CNOT1: variants seen among roughly 807,000 people sequenced by gnomAD.
CNOT1 encodes CCR4-NOT transcription complex subunit 1.
A neutral mutation model predicts 273.8 loss-of-function variants in CNOT1; 15 were observed. The ratio of observed to expected loss-of-function variants is 0.05; its 90% confidence interval spans 0.04 to 0.08. The LOEUF (loss-of-function observed/expected upper bound fraction) is 0.08, where lower values mean the gene tolerates loss of function less well. Among genes scored for constraint, CNOT1 ranks in the 10% least tolerant of loss-of-function variants. The probability of loss-of-function intolerance (pLI) is 1.00; values close to 1 mark genes in which losing one functional copy is unlikely to be tolerated. For synonymous variants in CNOT1, 1,022 were observed against 1,005.5 expected (o/e 1.02, Z -0.31); for missense variants, 1,644 against 2,912.2 (o/e 0.56, Z 10.02).
chr16:58,582,219 G>C (rs2041682250), intron 10 of CNOT1, among the ~76,000 whole-genome samples: 1 of 152,028 alleles, frequency 6.6e-6, no homozygotes, highest in African/African-American at 2.4e-5. Context: ...TTGAACCCAG[G>C]AGCCAGAGGG....
chr16:58,612,119 C>T (rs12598497), intron 1 of CNOT1, among the ~76,000 whole-genome samples: 34,598 of 151,908 alleles, frequency 0.23, 4,334 homozygotes, highest in African/African-American at 0.33. Context: ...CAAGAATGTG[C>T]CACATGCCAG....
At chr16:58,626,696 G>A (rs570964302) in intron 1 of CNOT1, among the ~76,000 whole-genome samples, 21 of 151,642 alleles carry the variant, frequency 1.4e-4, no homozygotes, top group African/African-American at 4.1e-4. Flanking sequence ...GGAGGCGGAG[G>A]TTGTAGTGAG....
intron 17 of CNOT1, among the ~76,000 whole-genome samples, 156 bp from the exon 18 acceptor site, chr16:58,558,830 G>T (rs1357518802): frequency 6.6e-6 from 1 of 152,198 alleles, no homozygotes; most frequent in Non-Finnish European, 1.5e-5. Context: ...ATCAAGTCAA[G>T]TGTGTCAGTC....
intron 3 of CNOT1, among the ~76,000 whole-genome samples, chr16:58,588,579 G>A (rs937991671): frequency 2.0e-5 from 3 of 152,068 alleles, no homozygotes; most frequent in Admixed American, 6.6e-5. Context: ...AGGCAGGTCT[G>A]ATCCCTACCT....
chr16:58,616,733 T>A (rs1156311913), intron 1 of CNOT1, among the ~76,000 whole-genome samples: 1 of 152,168 alleles, frequency 6.6e-6, no homozygotes, highest in Non-Finnish European at 1.5e-5. Flanking sequence ...TTTGGCAGCA[T>A]TTTTTTCAAT....
chr16:58,584,471 T>C (rs112306011), intron 8 of CNOT1, among the ~76,000 whole-genome samples: 34,703 of 151,748 alleles, frequency 0.23, 4,331 homozygotes, highest in African/African-American at 0.33. Context: ...GCTGGGATTA[T>C]AGGCACGTGC....
At chr16:58,620,574 G>C (rs773731326) in intron 1 of CNOT1, among the ~76,000 whole-genome samples, 2 of 150,380 alleles carry the variant, frequency 1.3e-5, no homozygotes, top group Non-Finnish European at 2.9e-5. Context: ...AACCCGGAAG[G>C]AGGTGGTTGT....
At position 58,542,298 on chromosome 16, in the gene CNOT1, C is replaced by T. The variant is rs1392510408; in HGVS notation, c.4613G>A (p.Arg1538His). The change falls in exon 33 of 49, where the codon CGC becomes CAC. Residue 1538 changes from arginine to histidine, a missense_variant. Around this residue, in one of 13 missense-constraint regions of CNOT1, gnomAD observed 3 missense variants for 35.1 expected, o/e 0.09. Transcript: ENST00000317147. ...ELRKHARQEGRRYCDPVVLTY... is the reference protein window; with the variant it reads ...ELRKHARQEGHRYCDPVVLTY... Reference sequence around the variant, plus strand: ...TAAAACAACAGGATCACAGTATCTGCGTCCTTCTTGCCTAGCATGTTTTCT... The same window carrying T: ...TAAAACAACAGGATCACAGTATCTGTGTCCTTCTTGCCTAGCATGTTTTCT... 6.2e-7 allele frequency: 1 copy of T among 1,614,140 alleles called. No homozygotes were observed.
chr16:58,619,038 C>CT (rs1192946177), intron 1 of CNOT1, among the ~76,000 whole-genome samples: 1 of 152,010 alleles, frequency 6.6e-6, no homozygotes, highest in East Asian at 1.9e-4. Context: ...TATAAAAAAA[C>CT]TTTTTTTAAT....
intron 1 of CNOT1, among the ~76,000 whole-genome samples, chr16:58,611,167 G>A (rs1417491111): frequency 1.3e-5 from 2 of 151,940 alleles, no homozygotes; most frequent in African/African-American, 4.8e-5. Flanking sequence ...GGTGGCTCAT[G>A]CCTGTAATCC....
chr16:58,555,779 C>T lies in CNOT1; in HGVS notation c.2604+5G>A. 1 of 1,613,912 alleles carries T rather than the reference C, an allele frequency of 6.2e-7. No individual in the cohort carries two copies. The highest frequency in any genetic ancestry group is 8.5e-7 in the Non-Finnish European group (1 of 1,180,028). ...ATAAATAAGTAGATCATCCTAGACA[C>T]TCACCTCATCAACAGACATGGTTGG... On this transcript the variant is annotated splice_donor_5th_base_variant and intron_variant, in intron 20 of 48. Transcript: ENST00000317147.
At position 58,521,188 on chromosome 16, in the gene CNOT1, G is replaced by A. The variant is rs370023738; in HGVS notation, c.7047C>T (p.Ile2349=). The A allele has an allele frequency of 2.2e-5, 35 of 1,613,214 alleles. No homozygotes were observed. Among genetic ancestry groups the A allele is most frequent in the South Asian group, 1.8e-4 (16 of 90,886 alleles). ...AAAAATTACTTTGAACTCACTTTTC[G>A]ATTTCTGGGGCACAGTGTACAAATT... is the stretch of plus-strand genomic sequence containing the variant. The part of the protein sequence containing the change: ...NHEFVHCAPE[I]EKLFQSVAQC... The change falls in exon 48 of 49, where the codon ATC becomes ATT. Residue 2349 remains isoleucine, a synonymous_variant. Coordinates refer to ENST00000317147, the MANE Select transcript of CNOT1 (RefSeq NM_016284.5).
At position 58,538,137 on chromosome 16, in the gene CNOT1, G is replaced by C. The variant is rs752119065; in HGVS notation, c.5244+21C>G. 8.7e-6 allele frequency: 14 copies of C among 1,605,344 alleles called. 1 individual carries two copies. The Middle Eastern group carries it at 9.9e-4, about 113-fold the overall frequency. ...TACTTCCCTGAGTCCTTTTGTCCGT[G>C]CAAGTAAATTCCTTCCATACCTGCG... On this transcript the variant is annotated intron_variant, in intron 37 of 48. Transcript: ENST00000317147.
chr16:58,583,180 A>G lies in CNOT1; in HGVS notation c.809T>C (p.Ile270Thr), dbSNP rs770603108. The part of the protein sequence containing the change: ...QEVGYGFCAS[I>T]EECRNIIVQF... ...CACGATTATATTGCGACATTCTTCAATACTGAAACAGAAATATAACTTCAG... is the reference window on the plus strand; with the variant it reads ...CACGATTATATTGCGACATTCTTCAGTACTGAAACAGAAATATAACTTCAG... The change falls in exon 9 of 49, where the codon ATT (isoleucine) becomes ACT (threonine). Residue 270 changes from isoleucine to threonine, a missense_variant and splice_region_variant. Ile to Thr is a moderately conservative substitution (Grantham distance 89). Around this residue, in one of 13 missense-constraint regions of CNOT1, gnomAD observed 706 missense variants for 1,021.2 expected, o/e 0.69. Transcript: ENST00000317147. 6.2e-7 allele frequency: 1 copy of G among 1,613,250 alleles called. No individual in the cohort carries two copies. The highest frequency in any genetic ancestry group is 1.1e-5 in the South Asian group (1 of 90,968).
chr16:58,620,502 G>A (rs76721365), intron 1 of CNOT1, among the ~76,000 whole-genome samples: 1,700 of 152,024 alleles, frequency 0.011, 36 homozygotes, highest in African/African-American at 0.039. Flanking sequence ...TTAGCCGGGC[G>A]TGGTGTGGCA....
intron 34 of CNOT1, chr16:58,540,194 C>T: frequency 2.5e-6 from 1 of 400,496 alleles, no homozygotes; most frequent in Non-Finnish European, 4.4e-6. Context: ...GAGAGGAAAA[C>T]CTGGCAGACA....
intron 29 of CNOT1, among the ~76,000 whole-genome samples, chr16:58,545,741 A>G (rs926252207): frequency 1.3e-5 from 2 of 152,176 alleles, no homozygotes; most frequent in Non-Finnish European, 2.9e-5. Flanking sequence ...CTGAGCAGCC[A>G]TGCCATATTG....
chr16:58,571,728 A>C (rs1005399077), intron 16 of CNOT1, among the ~76,000 whole-genome samples: 1 of 152,232 alleles, frequency 6.6e-6, no homozygotes, highest in Non-Finnish European at 1.5e-5. Flanking sequence ...CTGTGATCCC[A>C]GCACTTTGGG....
chr16:58,576,371 A>C (rs1482923883), intron 14 of CNOT1, 92 bp downstream of exon 14: 3 of 1,560,800 alleles, frequency 1.9e-6, no homozygotes, highest in East Asian at 4.6e-5. Context: ...TCAGCCTCCC[A>C]AAGTGCTGGG....
Sources: gnomAD v4.1 joint callset for allele counts (sites outside exome capture counted in the v4.1 genomes callset) on GRCh38, gnomAD v4.1.1 for gene constraint, gnomAD v4.1.1 regional missense constraint, MANE v1.5 for transcripts, NCBI Gene and HGNC (gene_info 2026-07-23, HGNC 2026-07-21) for gene names.